CORO2B: variants seen among roughly 807,000 people sequenced by gnomAD.
CORO2B encodes the protein coronin 2B.
Under a neutral mutation model 58.8 loss-of-function variants are expected in CORO2B, and 26 were observed. The observed-to-expected ratio is 0.44, with a 90% CI of 0.32 to 0.61. CORO2B has a LOEUF of 0.61. Ranked by LOEUF, CORO2B falls within the 20% of genes least tolerant of loss-of-function variation. CORO2B has a pLI of 0.04. For synonymous variants in CORO2B, 242 were observed against 253.8 expected (o/e 0.95, Z 0.44); for missense variants, 460 against 645.1 (o/e 0.71, Z 3.11).
At chr15:68,535,976 A>AT in the CORO2B span, among the ~76,000 whole-genome samples, 16,995 of 152,258 alleles carry the variant, frequency 0.11, 995 homozygotes, top group Middle Eastern at 0.14. Flanking sequence ...ATGTTATGTC[A>AT]TTTATAACCT....
chr15:68,699,079 T>C (rs553293923), intron 3 of CORO2B, among the ~76,000 whole-genome samples: 2 of 152,242 alleles, frequency 1.3e-5, no homozygotes, highest in South Asian at 4.1e-4. Flanking sequence ...AGACCCAGTA[T>C]ATCCGGTGTG....
At position 68,645,475 on chromosome 15, in the gene CORO2B, T is replaced by C; in HGVS notation, c.216+115T>C. The C allele has an allele frequency of 1.1e-6, 1 of 929,148 alleles. No individual in the cohort carries two copies. The highest frequency in any genetic ancestry group is 1.6e-6 in the Non-Finnish European group (1 of 626,898). 57.6% of individuals were successfully genotyped at this position (929,148 alleles called of 1,614,324 possible). A position where few individuals can be genotyped will look rare whatever the true frequency, so the allele number is the denominator to read the frequency against. ...CTCTGAGTTCCCACCTTTTACTTCC[T>C]CATCAAGCATCTAGTGGCTATGCCT... is the stretch of plus-strand genomic sequence containing the variant. On this transcript the variant is annotated intron_variant, in intron 2 of 11. Transcript: ENST00000261861. The surrounding 1 kb of genome is among the most constrained non-coding windows in gnomAD (Gnocchi z 4.5).
the CORO2B span, among the ~76,000 whole-genome samples, chr15:68,530,726 T>C: frequency 6.6e-6 from 1 of 152,206 alleles, no homozygotes; most frequent in Non-Finnish European, 1.5e-5. Flanking sequence ...TTATGTCTAG[T>C]GATATTCTTT....
chr15:68,665,789 G>A (rs779915305), intron 2 of CORO2B, among the ~76,000 whole-genome samples: 21 of 152,058 alleles, frequency 1.4e-4, no homozygotes, highest in Non-Finnish European at 2.4e-4. Flanking sequence ...ATTTTGCCAT[G>A]TTACTAAATT....
At chr15:68,641,500 G>A in intron 1 of CORO2B, 5 of 983,370 alleles carry the variant, frequency 5.1e-6, no homozygotes, top group Non-Finnish European at 6.0e-6. Context: ...AAAGGAGAAG[G>A]GGGAGGGTGG....
rs201107438 is a variant in CORO2B at position 68,629,282 on chromosome 15, T to C, written c.16-15878T>C. Among the ~76,000 whole-genome samples the C allele has an allele frequency of 2.0e-5, 3 of 152,236 alleles. No individual in the cohort carries two copies. The East Asian group carries it at 5.8e-4, about 29-fold the overall frequency. On this transcript the variant is annotated intron_variant, in intron 1 of 11. Coordinates refer to ENST00000261861, the MANE Select transcript of CORO2B (RefSeq NM_006091.5). The stretch of plus-strand genomic sequence containing the variant: ...TCCATTGCAGGTCTGCTGTGTGTGG[T>C]TGTCAGAGTTGTGCCCTGCACAAAG...
rs540001614 is a variant in CORO2B at position 68,665,299 on chromosome 15, G to A, written c.216+19939G>A. On this transcript the variant is annotated intron_variant, in intron 2 of 11. Transcript: ENST00000261861. ...GCATTCTACATTTCTGAATGTATTT[G>A]GGTTTATTTTACAGACTGTCCATTA... 3.5e-3 allele frequency among the ~76,000 whole-genome samples: 527 copies of A among 152,026 alleles called. 2 individuals carry two copies. Among genetic ancestry groups the A allele is most frequent in the Middle Eastern group, 0.014 (4 of 294 alleles).
At chr15:68,576,459 C>A (rs1410576574), upstream of CORO2B, among the ~76,000 whole-genome samples, 2 of 152,162 alleles carry the variant, frequency 1.3e-5, no homozygotes, top group African/African-American at 2.4e-5. Context: ...ATTCTCAGAG[C>A]CCACAACAAC....
chr15:68,566,067 C>G, the CORO2B span, among the ~76,000 whole-genome samples: 6 of 152,220 alleles, frequency 3.9e-5, no homozygotes, highest in Non-Finnish European at 8.8e-5. Flanking sequence ...CAAGCAGTCC[C>G]CTTCCCCATG....
chr15:68,559,217 T>C, the CORO2B span, among the ~76,000 whole-genome samples: 2 of 152,032 alleles, frequency 1.3e-5, no homozygotes, highest in African/African-American at 4.8e-5. This position sits in a 1 kb window ranked among gnomAD's most constrained non-coding sequence, Gnocchi z 4.3. Context: ...AAAAATCTGA[T>C]GTAGAAATTA....
At chr15:68,694,908 A>G (rs1291956700) in intron 2 of CORO2B, among the ~76,000 whole-genome samples, 3 of 152,206 alleles carry the variant, frequency 2.0e-5, no homozygotes, top group African/African-American at 7.2e-5. Flanking sequence ...CTGTCCCACC[A>G]TGGCTGTGTG....
At chr15:68,674,360 C>G (rs181161313) in intron 2 of CORO2B, among the ~76,000 whole-genome samples, 1 of 152,228 alleles carries the variant, frequency 6.6e-6, no homozygotes, top group Non-Finnish European at 1.5e-5. Flanking sequence ...ACAGACGAGG[C>G]CATCAGAATG....
rs538279262 is a variant in CORO2B at position 68,726,105 on chromosome 15, C to T, written c.*131C>T. ...GGGCCAGCCTGAGGACCCCCGCCTA[C>T]CACCTCGAGAACTGGAAGCCAACCT... On this transcript the variant is annotated 3_prime_UTR_variant, in exon 12 of 12. Coordinates refer to ENST00000261861, the MANE Select transcript of CORO2B (RefSeq NM_006091.5). 3 of 1,225,942 alleles carry T rather than the reference C, an allele frequency of 2.4e-6. No individual in the cohort carries two copies. The highest frequency in any genetic ancestry group is 3.4e-6 in the Non-Finnish European group (3 of 883,292). The allele number at this position is 1,225,942 out of a possible 1,614,324, so 75.9% of individuals were successfully genotyped here. A position where few individuals can be genotyped will look rare whatever the true frequency, so the allele number is the denominator to read the frequency against.
the CORO2B span, among the ~76,000 whole-genome samples, chr15:68,543,702 C>T: frequency 6.6e-6 from 1 of 152,130 alleles, no homozygotes; most frequent in Non-Finnish European, 1.5e-5. Context: ...CTTCTATCGA[C>T]TCCTATGCCT....
In CORO2B at chr15:68,645,098, C is replaced by A; in HGVS notation, c.16-62C>A. ...CCGCAGCTTCCCTCCCCCAAGAGCC[C>A]AGCCGAGGCCCTTCATGGCACAGGG... On this transcript the variant is annotated intron_variant, in intron 1 of 11. Coordinates refer to ENST00000261861, the MANE Select transcript of CORO2B (RefSeq NM_006091.5). The surrounding 1 kb of genome is among the most constrained non-coding windows in gnomAD (Gnocchi z 4.5). 6.5e-7 allele frequency: 1 copy of A among 1,549,354 alleles called. No homozygotes were observed. The highest frequency in any genetic ancestry group is 2.3e-5 in the East Asian group (1 of 42,740).
chr15:68,589,775 C>A (rs1211024886), intron 1 of CORO2B, among the ~76,000 whole-genome samples: 2 of 152,216 alleles, frequency 1.3e-5, no homozygotes, highest in African/African-American at 4.8e-5. Context: ...GGAGGAGGCA[C>A]CTGGTTGGAG....
At chr15:68,519,029 G>A in the CORO2B span, among the ~76,000 whole-genome samples, 1 of 152,174 alleles carries the variant, frequency 6.6e-6, no homozygotes, top group South Asian at 2.1e-4. Context: ...AGTATGCACG[G>A]CCCAGGACTG....
chr15:68,719,686 C>G, intron 11 of CORO2B, 134 bp downstream of exon 11: 1 of 1,009,506 alleles, frequency 9.9e-7, no homozygotes, highest in South Asian at 1.8e-5. Context: ...CATAAGTAGC[C>G]TGATATTGGC....
intron 2 of CORO2B, among the ~76,000 whole-genome samples, chr15:68,691,314 C>G (rs111909510): frequency 3.0e-5 from 3 of 100,214 alleles, no homozygotes; most frequent in African/African-American, 1.2e-4. Flanking sequence ...TGGGAGACAG[C>G]GAGACTCCGT....
Sources: allele counts gnomAD v4.1 joint callset (sites outside exome capture counted in the v4.1 genomes callset), GRCh38; gene constraint gnomAD v4.1.1; non-coding constraint Gnocchi (gnomAD v3.1); transcripts MANE v1.5; gene names NCBI Gene and HGNC (gene_info 2026-07-23, HGNC 2026-07-21).